CCDC171: variants seen among roughly 807,000 people sequenced by gnomAD.
CCDC171 encodes the protein coiled-coil domain containing 171.
In CCDC171, 177 loss-of-function variants were observed where a neutral mutation model predicts 168.2. The ratio of observed to expected loss-of-function variants is 1.05; its 90% CI spans 0.93 to 1.19. The LOEUF is 1.19. CCDC171 is among the 50% of genes most tolerant of loss of function. CCDC171 has a pLI of 0.00. For synonymous variants in CCDC171, 687 were observed against 540.8 expected, an observed-to-expected ratio of 1.27 and a Z score of -3.75; for missense variants, 1,991 against 1,539.0, an observed-to-expected ratio of 1.29 and a Z score of -4.91.
intron 7 of CCDC171, among the ~76,000 whole-genome samples, chr9:15,646,229 C>A (rs929361894): frequency 1.3e-5 from 2 of 152,156 alleles, no homozygotes; most frequent in Non-Finnish European, 2.9e-5. Context: ...GCCTGCCTTA[C>A]AAGAGCTCCT....
At chr9:15,811,385 G>A (rs1398992327) in intron 21 of CCDC171, among the ~76,000 whole-genome samples, 3 of 152,144 alleles carry the variant, frequency 2.0e-5, no homozygotes, top group Admixed American at 6.5e-5. Flanking sequence ...AGAAAAAAGT[G>A]GAACAAATTA....
At chr9:15,854,208 A>G (rs1016424174) in intron 23 of CCDC171, among the ~76,000 whole-genome samples, 9 of 151,266 alleles carry the variant, frequency 5.9e-5, no homozygotes, top group Non-Finnish European at 1.3e-4. Flanking sequence ...GGCAGAATTC[A>G]TCAGTGAAAC....
At chr9:15,984,412 G>C (rs961871771) in intron 3 of CCDC171, among the ~76,000 whole-genome samples, 1 of 144,416 alleles carries the variant, frequency 6.9e-6, no homozygotes, top group African/African-American at 2.6e-5. Flanking sequence ...ATATATGAGT[G>C]TGTGTGTACA....
rs555104215 is a variant in CCDC171 at position 15,625,774 on chromosome 9, T to G, written c.822+2361T>G. ...GTGATGCCTCCAGCTTTGTTCTTTT[T>G]GCTTAGGATTGTCTTGGCAATGCGG... On this transcript the variant is annotated intron_variant, in intron 7 of 25. Coordinates refer to ENST00000380701, the MANE Select transcript of CCDC171 (RefSeq NM_173550.4). Among the ~76,000 whole-genome samples, 252 of 152,308 alleles carry G rather than the reference T, an allele frequency of 1.7e-3. 2 individuals are homozygous for G. Among genetic ancestry groups the G allele is most frequent in the Admixed American group, 0.011 (174 of 15,292 alleles).
chr9:15,704,920 C>G (rs1479512978), intron 11 of CCDC171, among the ~76,000 whole-genome samples: 1 of 152,108 alleles, frequency 6.6e-6, no homozygotes, highest in Non-Finnish European at 1.5e-5. Flanking sequence ...TGCTCCCCCT[C>G]AGTCTGTTTT....
At position 15,973,571 on chromosome 9, in the gene CCDC171, T is replaced by G. The variant is rs1831528672; in HGVS notation, c.*1735T>G. On this transcript the variant is annotated 3_prime_UTR_variant, in exon 26 of 26. Transcript: ENST00000380701. The stretch of plus-strand genomic sequence containing the variant: ...GCTTATATGGAGTAAAATTATATCT[T>G]TAACCAAATTTCTCTTAATTCTTTC... 1.3e-5 allele frequency: 2 copies of G among 152,150 alleles called. No individual in the cohort carries two copies. The highest frequency in any genetic ancestry group is 2.9e-5 in the Non-Finnish European group (2 of 68,018). The allele number at this position is 152,150 out of a possible 1,614,324, so 9.4% of individuals were successfully genotyped here.
At chr9:16,004,757 C>G (rs1217120222) in intron 3 of CCDC171, among the ~76,000 whole-genome samples, 1 of 152,118 alleles carries the variant, frequency 6.6e-6, no homozygotes, top group Non-Finnish European at 1.5e-5. Context: ...AGCAAAGGGT[C>G]TAAGTACTAG....
chr9:15,950,454 G>A (rs1322132869), intron 25 of CCDC171, among the ~76,000 whole-genome samples: 1 of 152,126 alleles, frequency 6.6e-6, no homozygotes, highest in Non-Finnish European at 1.5e-5. Context: ...CCAGAAGAGA[G>A]TGGGTGCCAA....
chr9:15,944,835 T>TCC (rs200751108), intron 25 of CCDC171, among the ~76,000 whole-genome samples: 2 of 29,910 alleles, frequency 6.7e-5, no homozygotes, highest in South Asian at 5.1e-3. Flanking sequence ...TTTTCTTTCT[T>TCC]TTTTCTTTCT....
At chr9:15,652,747 T>C (rs2047627078) in intron 7 of CCDC171, among the ~76,000 whole-genome samples, 1 of 152,216 alleles carries the variant, frequency 6.6e-6, no homozygotes, top group African/African-American at 2.4e-5. Context: ...AGCTGATCAC[T>C]GTAGCTTTGT....
At chr9:15,625,117 T>C (rs1022766248) in intron 7 of CCDC171, among the ~76,000 whole-genome samples, 48 of 152,358 alleles carry the variant, frequency 3.2e-4, no homozygotes, top group Non-Finnish European at 4.9e-4. Context: ...ATGTCTTCTT[T>C]TGAGAAGTGT....
At chr9:15,572,230 A>G (rs1353544721) in intron 3 of CCDC171, among the ~76,000 whole-genome samples, 1 of 152,294 alleles carries the variant, frequency 6.6e-6, no homozygotes, top group South Asian at 2.1e-4. Flanking sequence ...TCATATGTAT[A>G]TGCATATAGT....
At chr9:15,838,442 GC>G (rs2060541121) in intron 21 of CCDC171, among the ~76,000 whole-genome samples, 3 of 152,122 alleles carry the variant, frequency 2.0e-5, no homozygotes, top group Admixed American at 6.6e-5. Flanking sequence ...ATCAAAGAGG[GC>G]TGCTTCACAG....
At chr9:15,944,717 T>C (rs1215893608) in intron 25 of CCDC171, among the ~76,000 whole-genome samples, 2 of 151,930 alleles carry the variant, frequency 1.3e-5, no homozygotes, top group South Asian at 2.1e-4. Flanking sequence ...TTATAATCAA[T>C]TGAGGATAGA....
At chr9:16,045,958 T>C (rs1833653167) in intron 1 of CCDC171, among the ~76,000 whole-genome samples, 1 of 152,198 alleles carries the variant, frequency 6.6e-6, no homozygotes, top group African/African-American at 2.4e-5. Flanking sequence ...CAACATTTCT[T>C]GAGCCTATTA....
At chr9:16,060,075 T>C (rs1375515918) in intron 1 of CCDC171, among the ~76,000 whole-genome samples, 3 of 152,200 alleles carry the variant, frequency 2.0e-5, no homozygotes, top group Non-Finnish European at 4.4e-5. Context: ...GAGGGAGACG[T>C]AGCATGTAAA....
At chr9:15,699,718 C>T (rs2051538668) in intron 11 of CCDC171, among the ~76,000 whole-genome samples, 1 of 152,048 alleles carries the variant, frequency 6.6e-6, no homozygotes, top group Non-Finnish European at 1.5e-5. Context: ...TGTTTACAAA[C>T]CTTGAGCTAG....
intron 4 of CCDC171, among the ~76,000 whole-genome samples, chr9:15,583,154 C>G (rs1013646321): frequency 1.3e-5 from 2 of 152,088 alleles, no homozygotes; most frequent in South Asian, 4.1e-4. Flanking sequence ...CGGTGGCTCA[C>G]GCCTGTAATC....
chr9:15,655,905 A>G (rs764071147), intron 7 of CCDC171, among the ~76,000 whole-genome samples: 1 of 152,218 alleles, frequency 6.6e-6, no homozygotes, highest in South Asian at 2.1e-4. Context: ...TCAAGAAACC[A>G]AAAACAGAAA....
Sources: gnomAD v4.1 joint callset for allele counts (sites outside exome capture counted in the v4.1 genomes callset) on GRCh38, gnomAD v4.1.1 for gene constraint, MANE v1.5 for transcripts, NCBI Gene and HGNC (gene_info 2026-07-23, HGNC 2026-07-21) for gene names.